RAB4A: variants seen among roughly 807,000 people sequenced by gnomAD.
RAB4A encodes the protein RAB4A, member RAS oncogene family, also known as ras-related protein Rab-4A.
Under a neutral mutation model 34.5 loss-of-function variants are expected in RAB4A, and 20 were observed. That is an observed-to-expected ratio of 0.58 (90% CI 0.41 to 0.84). The LOEUF is 0.84. Ranked by LOEUF, RAB4A falls within the 40% of genes least tolerant of loss-of-function variation. RAB4A has a pLI of 0.00. For synonymous variants in RAB4A, 102 were observed against 100.0 expected (o/e 1.02, Z -0.12); for missense variants, 228 against 274.5 (o/e 0.83, Z 1.20).
intron 1 of RAB4A, 150 bp downstream of exon 1, chr1:229,271,520 CG>C (rs1385107166): frequency 1.1e-5 from 5 of 465,340 alleles, no homozygotes; most frequent in Non-Finnish European, 1.4e-5. Context: ...GGCTTGGGAC[CG>C]GGATGGGGGA....
chr1:229,288,689 T>C, intron 2 of RAB4A, 40 bp from the exon 3 acceptor site: 1 of 1,069,462 alleles, frequency 9.4e-7, no homozygotes, highest in Non-Finnish European at 1.4e-6. Flanking sequence ...CCTGTTAATG[T>C]TCTAAAATTA....
Position 229,271,313 on chromosome 1 carries a change from C to T in RAB4A, c.-27C>T. 6 of 1,330,816 alleles carry T rather than the reference C, an allele frequency of 4.5e-6. No homozygotes were observed. Among genetic ancestry groups the T allele is most frequent in the Non-Finnish European group, 5.8e-6 (6 of 1,038,616 alleles). 82.4% of individuals were successfully genotyped at this position (1,330,816 alleles called of 1,614,324 possible). A position where few individuals can be genotyped will look rare whatever the true frequency, so the allele number is the denominator to read the frequency against. On this transcript the variant is annotated 5_prime_UTR_variant, in exon 1 of 8. Transcript: ENST00000366690. ...ACCGCGGGCGAGTGCAGCCGGTGAC[C>T]CGGCGAGAGGCGGCGCCGCTCCCAA...
At chr1:229,289,613 C>T (rs1258363122) in intron 3 of RAB4A, among the ~76,000 whole-genome samples, 1 of 152,120 alleles carries the variant, frequency 6.6e-6, no homozygotes. Context: ...GTCAGGAGTT[C>T]AAGACCAGCC....
chr1:229,304,968 A>T lies in RAB4A; in HGVS notation c.*1175A>T. 1 of 671,856 alleles carries T rather than the reference A, an allele frequency of 1.5e-6. No homozygotes were observed. The highest frequency in any genetic ancestry group is 3.4e-5 in the South Asian group (1 of 29,220). The allele number at this position is 671,856 out of a possible 1,614,324, so 41.6% of individuals were successfully genotyped here. ...CCTTTCTTTAAAGTTGAAATGCAGT[A>T]TTATTTAAATCTGAAAGGTTAAAAA... On this transcript the variant is annotated 3_prime_UTR_variant, in exon 8 of 8. Transcript: ENST00000366690.
chr1:229,287,099 A>G (rs1370769038), intron 2 of RAB4A, among the ~76,000 whole-genome samples: 2 of 152,240 alleles, frequency 1.3e-5, no homozygotes, highest in East Asian at 3.8e-4. Flanking sequence ...AGAAGACTGT[A>G]GGTTTGAAAG....
At chr1:229,277,775 T>C (rs2102834911) in intron 1 of RAB4A, among the ~76,000 whole-genome samples, 1 of 151,402 alleles carries the variant, frequency 6.6e-6, no homozygotes, top group South Asian at 2.1e-4. Flanking sequence ...CCCTGACTGC[T>C]CCCTGGACTT....
chr1:229,280,948 G>T (rs979832608), intron 1 of RAB4A, among the ~76,000 whole-genome samples: 9 of 152,144 alleles, frequency 5.9e-5, no homozygotes, highest in African/African-American at 2.2e-4. Flanking sequence ...GTTATTGCAT[G>T]TATTGACAGT....
At chr1:229,299,772 G>T (rs979224699) in intron 6 of RAB4A, among the ~76,000 whole-genome samples, 6 of 152,092 alleles carry the variant, frequency 3.9e-5, no homozygotes, top group African/African-American at 1.4e-4. Flanking sequence ...CCAAGAAACT[G>T]TCTTTCATGG....
In RAB4A at chr1:229,274,219, A is replaced by AT. The variant is rs397864012; in HGVS notation, c.31+2865dup. ...AGGTGCATGCCACCACACCTGGCTA[A>AT]TTTTTTTTTTTTTTTTAATTTTTTT... On this transcript the variant is annotated intron_variant, in intron 1 of 7. Coordinates refer to ENST00000366690, the MANE Select transcript of RAB4A (RefSeq NM_004578.4). Among the ~76,000 whole-genome samples, 338 of 140,136 alleles carry AT rather than the reference A, an allele frequency of 2.4e-3. 3 individuals carry two copies. Among genetic ancestry groups the AT allele is most frequent in the South Asian group, 7.2e-3 (31 of 4,302 alleles). 91.9% of individuals were successfully genotyped at this position (140,136 alleles called of 152,430 possible).
At chr1:229,293,579 C>G (rs1304868013) in intron 3 of RAB4A, among the ~76,000 whole-genome samples, 4 of 152,196 alleles carry the variant, frequency 2.6e-5, no homozygotes, top group African/African-American at 9.6e-5. Context: ...CTGGGAATGT[C>G]TAGCTAGCAG....
At chr1:229,288,708 G>A (rs1223476250) in intron 2 of RAB4A, 21 bp from the exon 3 acceptor site, 1 of 1,253,088 alleles carries the variant, frequency 8.0e-7, no homozygotes, top group Admixed American at 2.0e-5. Context: ...TAAATATGCT[G>A]TTCTTGTTTT....
intron 6 of RAB4A, among the ~76,000 whole-genome samples, chr1:229,302,309 ATTTTTTTTT>A (rs869095524): frequency 8.4e-5 from 3 of 35,900 alleles, no homozygotes; most frequent in African/African-American, 2.4e-4. Flanking sequence ...ATATATATAT[ATTTTTTTTT>A]TTTTTTTACA....
intron 1 of RAB4A, among the ~76,000 whole-genome samples, chr1:229,283,016 G>A (rs1056114792): frequency 1.3e-5 from 2 of 152,262 alleles, no homozygotes; most frequent in African/African-American, 2.4e-5. Context: ...CAACTGAAAC[G>A]TGGATATTTT....
At chr1:229,287,999 T>G (rs1571828494) in intron 2 of RAB4A, among the ~76,000 whole-genome samples, 1 of 152,234 alleles carries the variant, frequency 6.6e-6, no homozygotes, top group Non-Finnish European at 1.5e-5. Context: ...TTATTTTGCC[T>G]GTCTCCTGCC....
At chr1:229,282,694 G>A (rs537220789) in intron 1 of RAB4A, among the ~76,000 whole-genome samples, 1 of 152,120 alleles carries the variant, frequency 6.6e-6, no homozygotes, top group African/African-American at 2.4e-5. Flanking sequence ...ATTCTTTCCT[G>A]TCACTTCCAT....
rs1656457980 is a variant in RAB4A at position 229,271,231 on chromosome 1, C to G, written c.-109C>G. 3 of 1,127,290 alleles carry G rather than the reference C, an allele frequency of 2.7e-6. No individual in the cohort carries two copies. The highest frequency in any genetic ancestry group is 2.3e-6 in the Non-Finnish European group (2 of 887,264). 69.8% of individuals were successfully genotyped at this position (1,127,290 alleles called of 1,614,324 possible). A position where few individuals can be genotyped will look rare whatever the true frequency, so the allele number is the denominator to read the frequency against. ...GCGGTTGCCGTGGGGACCGGTCGGG[C>G]CCCTCCCTCCTCCGGTCCCCCGCCC... On this transcript the variant is annotated 5_prime_UTR_variant, in exon 1 of 8. Transcript: ENST00000366690.
intron 5 of RAB4A, among the ~76,000 whole-genome samples, chr1:229,298,572 T>TA (rs1657303089): frequency 6.6e-6 from 1 of 152,204 alleles, no homozygotes; most frequent in Non-Finnish European, 1.5e-5. Context: ...TATAGTCCCC[T>TA]AAAAAGTGTA....
rs1374039564 is a variant in RAB4A at position 229,302,293 on chromosome 1, ATATATATATATATATATT to A, written c.542-567_542-550del. On this transcript the variant is annotated intron_variant, in intron 6 of 7. Transcript: ENST00000366690. ...TATATATATATATATATATATATAT[ATATATATATATATATATT>A]TTTTTTTTTTTTTTACATGTGCATG... is the stretch of plus-strand genomic sequence containing the variant. 6.9e-3 allele frequency among the ~76,000 whole-genome samples: 167 copies of A among 24,220 alleles called. 8 individuals carry two copies. Among genetic ancestry groups the A allele is most frequent in the African/African-American group, 0.03 (135 of 4,452 alleles). 15.9% of individuals were successfully genotyped at this position (24,220 alleles called of 152,430 possible).
intron 1 of RAB4A, among the ~76,000 whole-genome samples, chr1:229,285,793 G>A (rs1656907881): frequency 6.6e-6 from 1 of 152,166 alleles, no homozygotes; most frequent in Non-Finnish European, 1.5e-5. Flanking sequence ...GTAATATGAA[G>A]TTACTGATAC....
Sources: gnomAD v4.1 joint callset for allele counts (sites outside exome capture counted in the v4.1 genomes callset) on GRCh38, gnomAD v4.1.1 for gene constraint, MANE v1.5 for transcripts, NCBI Gene and HGNC (gene_info 2026-07-23, HGNC 2026-07-21) for gene names.